UTRN: variants seen among roughly 807,000 people sequenced by gnomAD.
UTRN encodes the protein dystrophin-related protein 1.
UTRN carries 283 observed loss-of-function variants against 463.9 expected under a neutral mutation model. That is an observed-to-expected ratio of 0.61 (90% CI 0.55 to 0.67). UTRN has a LOEUF of 0.67. Ranked by LOEUF, UTRN falls within the 30% of genes least tolerant of loss-of-function variation. The probability of loss-of-function intolerance (pLI) is 0.00; values close to 1 mark genes in which losing one functional copy is unlikely to be tolerated. For missense variants in UTRN, 3,922 were observed against 4,084.3 expected (o/e 0.96, Z 1.08); for synonymous variants, 1,442 against 1,431.5 (o/e 1.01, Z -0.17).
chr6:144,320,319 G>A (rs530767288), intron 2 of UTRN, among the ~76,000 whole-genome samples: 14 of 152,080 alleles, frequency 9.2e-5, no homozygotes, highest in African/African-American at 2.7e-4. Flanking sequence ...TTACTATTAC[G>A]TCCTGGCTTC....
At chr6:144,372,475 A>G (rs889544936) in intron 2 of UTRN, among the ~76,000 whole-genome samples, 12 of 152,142 alleles carry the variant, frequency 7.9e-5, no homozygotes, top group Non-Finnish European at 1.6e-4. Flanking sequence ...TCCGCAATAG[A>G]TAAAGAAGTC....
intron 53 of UTRN, among the ~76,000 whole-genome samples, chr6:144,726,018 G>A (rs1299108697): frequency 1.3e-5 from 2 of 152,166 alleles, no homozygotes; most frequent in Non-Finnish European, 2.9e-5. Context: ...CCTGCGCAGA[G>A]AGGATTTCTT....
chr6:144,575,300 A>G (rs2128623922), intron 50 of UTRN, among the ~76,000 whole-genome samples: 1 of 152,252 alleles, frequency 6.6e-6, no homozygotes, highest in East Asian at 1.9e-4. Context: ...AAGTAAACCA[A>G]CTTAAATCCC....
At chr6:144,406,954 G>A (rs1347042219) in intron 3 of UTRN, among the ~76,000 whole-genome samples, 7 of 151,728 alleles carry the variant, frequency 4.6e-5, no homozygotes, top group African/African-American at 1.7e-4. Flanking sequence ...ATCCCGGTGG[G>A]CCCTCCCTGG....
intron 51 of UTRN, among the ~76,000 whole-genome samples, chr6:144,589,698 T>A (rs1333935946): frequency 1.3e-5 from 2 of 152,202 alleles, no homozygotes; most frequent in Non-Finnish European, 2.9e-5. Flanking sequence ...TGCAGTCTCC[T>A]TTAAAACATG....
At chr6:144,527,728 AAAAGC>A (rs1165299322) in intron 41 of UTRN, among the ~76,000 whole-genome samples, 1 of 152,160 alleles carries the variant, frequency 6.6e-6, no homozygotes, top group East Asian at 1.9e-4. Context: ...GGGTTAATTC[AAAAGC>A]CTTGTCTTTG....
At chr6:144,844,902 G>A (rs1302046008) in intron 73 of UTRN, among the ~76,000 whole-genome samples, 1 of 152,188 alleles carries the variant, frequency 6.6e-6, no homozygotes, top group Non-Finnish European at 1.5e-5. Flanking sequence ...TTGATCCTTT[G>A]TGGATTAAAA....
chr6:144,312,373 G>C (rs1249792958), intron 2 of UTRN, among the ~76,000 whole-genome samples: 2 of 150,084 alleles, frequency 1.3e-5, no homozygotes, highest in African/African-American at 2.5e-5. Context: ...GCAGTGAGCC[G>C]AGATTGCGCC....
At chr6:144,453,366 AC>A (rs1409941367) in intron 18 of UTRN, among the ~76,000 whole-genome samples, 4 of 151,418 alleles carry the variant, frequency 2.6e-5, no homozygotes, top group Non-Finnish European at 5.9e-5. Context: ...CTAGTGATCC[AC>A]CCCCCTCAGC....
intron 54 of UTRN, among the ~76,000 whole-genome samples, chr6:144,745,363 C>T (rs1042458116): frequency 5.3e-5 from 8 of 151,414 alleles, no homozygotes; most frequent in Admixed American, 5.3e-4. Context: ...TTTCACATGT[C>T]GCTTCTTCTT....
At chr6:144,543,212 C>T (rs1798127820) in intron 46 of UTRN, among the ~76,000 whole-genome samples, 1 of 152,152 alleles carries the variant, frequency 6.6e-6, no homozygotes, top group Non-Finnish European at 1.5e-5. Flanking sequence ...AGGAAATCAG[C>T]TATAACTTGT....
chr6:144,547,563 G>A (rs954297423), intron 46 of UTRN, among the ~76,000 whole-genome samples: 1 of 152,136 alleles, frequency 6.6e-6, no homozygotes, highest in Non-Finnish European at 1.5e-5. Flanking sequence ...TTTCCCTGCT[G>A]CAGCCGTGGT....
chr6:144,497,513 CAAA>C (rs527551923), intron 33 of UTRN, among the ~76,000 whole-genome samples: 4 of 110,674 alleles, frequency 3.6e-5, no homozygotes, highest in Admixed American at 9.5e-5. Flanking sequence ...CGTCTCTACT[CAAA>C]AAAAAAAAAA....
chr6:144,573,936 A>G (rs2128623255), intron 50 of UTRN, among the ~76,000 whole-genome samples: 1 of 152,326 alleles, frequency 6.6e-6, no homozygotes, highest in South Asian at 2.1e-4. Flanking sequence ...CATTGTTTGA[A>G]GAGGATTATT....
intron 53 of UTRN, among the ~76,000 whole-genome samples, chr6:144,719,271 G>A (rs1562812629): frequency 6.6e-6 from 1 of 152,218 alleles, no homozygotes. Flanking sequence ...ATGAGAAAGA[G>A]CAGAGCTATT....
intron 18 of UTRN, among the ~76,000 whole-genome samples, chr6:144,452,301 G>A (rs1381266371): frequency 3.3e-5 from 5 of 152,190 alleles, no homozygotes; most frequent in Admixed American, 2.6e-4. Flanking sequence ...ATCAAAGTAG[G>A]ATAGCTGAAT....
Position 144,459,005 on chromosome 6 carries a change from C to A in UTRN, c.2520C>A (p.Ser840=). ...SRQSLPSLKD[S]CQRELTNLLG... ...AGTCCTTGCCAAGCTTGAAGGATTC[C>A]TGTCAGGTAAGGAGCCAACGGTCTG... The change falls in exon 20 of 75, where the codon TCC becomes TCA. Residue 840 remains serine, a synonymous_variant. Transcript: ENST00000367545. 6.2e-7 allele frequency: 1 copy of A among 1,602,094 alleles called. No individual in the cohort carries two copies. The highest frequency in any genetic ancestry group is 2.2e-5 in the East Asian group (1 of 44,818).
chr6:144,789,211 T>C lies in UTRN; in HGVS notation c.8852T>C (p.Ile2951Thr), dbSNP rs1776552741. The C allele has an allele frequency of 6.2e-7, 1 of 1,613,040 alleles. No homozygotes were observed. Among genetic ancestry groups the C allele is most frequent in the Non-Finnish European group, 8.5e-7 (1 of 1,179,634 alleles). ...AATTTTAGGGGTCGAACTGGAAAAA[T>C]TAGAGTGCAGAGTCTGAAGATTGGA... ...NVYDTGRTGKIRVQSLKIGLM... is the reference protein window; with the variant it reads ...NVYDTGRTGKTRVQSLKIGLM... The change falls in exon 62 of 75, where the codon ATT becomes ACT. Residue 2951 changes from isoleucine to threonine, a missense_variant. Coordinates refer to ENST00000367545, the MANE Select transcript of UTRN (RefSeq NM_007124.3).
chr6:144,429,520 G>T lies in UTRN; in HGVS notation c.695-61G>T, dbSNP rs1025841303. The T allele has an allele frequency of 4.2e-6, 6 of 1,439,924 alleles. No homozygotes were observed. In the Admixed American group the frequency reaches 6.3e-5, roughly 15 times the overall value. The allele number at this position is 1,439,924 out of a possible 1,614,324, so 89.2% of individuals were successfully genotyped here. ...GGAGAGTTATTTTATATCTAATATT[G>T]AGCAATTCACATATTTTGGACACCT... On this transcript the variant is annotated intron_variant, in intron 8 of 74. Coordinates refer to ENST00000367545, the MANE Select transcript of UTRN (RefSeq NM_007124.3).
Sources: gnomAD v4.1 joint callset for allele counts (sites outside exome capture counted in the v4.1 genomes callset) on GRCh38, gnomAD v4.1.1 for gene constraint, MANE v1.5 for transcripts, NCBI Gene and HGNC (gene_info 2026-07-23, HGNC 2026-07-21) for gene names.